The following ATRNL1 variants were observed in gnomAD, a reference collection of about 807,000 sequenced individuals.
ATRNL1 encodes the protein attractin like 1, also known as attractin-like protein 1.
In ATRNL1, 95 loss-of-function variants were observed where a neutral mutation model predicts 182.7. The ratio of observed to expected loss-of-function variants is 0.52; its 90% CI spans 0.44 to 0.62. ATRNL1 has a LOEUF of 0.62. ATRNL1 is among the 20% of genes least tolerant of loss of function. The probability of loss-of-function intolerance (pLI) is 0.00; values close to 1 mark genes in which losing one functional copy is unlikely to be tolerated. For missense variants in ATRNL1, 1,471 were observed against 1,679.5 expected, an observed-to-expected ratio of 0.88 and a Z score of 2.17; for synonymous variants, 576 against 568.3, an observed-to-expected ratio of 1.01 and a Z score of -0.19.
Position 115,583,329 on chromosome 10 carries a change from A to G in ATRNL1, c.3795+33793A>G, listed in dbSNP as rs1221176929. The stretch of plus-strand genomic sequence containing the variant: ...GGGATGGCATTGAATCTATCTGTAA[A>G]TTACCTTGGGCAGTATGGCCATTTT... On this transcript the variant is annotated intron_variant, in intron 26 of 28. Transcript: ENST00000355044. Among the ~76,000 whole-genome samples, 2 of 109,402 alleles carry G rather than the reference A, an allele frequency of 1.8e-5. 1 individual carries two copies. The highest frequency in any genetic ancestry group is 4.0e-5 in the Non-Finnish European group (2 of 49,460). 71.8% of individuals were successfully genotyped at this position (109,402 alleles called of 152,430 possible). A position where few individuals can be genotyped will look rare whatever the true frequency, so the allele number is the denominator to read the frequency against.
chr10:115,339,948 A>G (rs1240540490), intron 19 of ATRNL1, among the ~76,000 whole-genome samples: 1 of 152,170 alleles, frequency 6.6e-6, no homozygotes, highest in Admixed American at 6.5e-5. Context: ...TTCACTGTCA[A>G]TTGAAATGAT....
At chr10:115,270,299 A>G (rs1053115073) in intron 13 of ATRNL1, among the ~76,000 whole-genome samples, 3 of 144,972 alleles carry the variant, frequency 2.1e-5, no homozygotes, top group Non-Finnish European at 4.5e-5. Context: ...TTGTTTATAT[A>G]TTTGTTTATA....
At chr10:115,864,298 GAA>G (rs1951384615) in intron 28 of ATRNL1, among the ~76,000 whole-genome samples, 1 of 151,632 alleles carries the variant, frequency 6.6e-6, no homozygotes, top group Admixed American at 6.6e-5. Flanking sequence ...AAGTGGGAGA[GAA>G]GAGAGCAGTG....
At chr10:115,925,239 TTCTTTC>T (rs1251485911) in intron 28 of ATRNL1, among the ~76,000 whole-genome samples, 1 of 152,146 alleles carries the variant, frequency 6.6e-6, no homozygotes, top group African/African-American at 2.4e-5. Context: ...TACCCTTTAT[TTCTTTC>T]TCTTGCCTGA....
intron 26 of ATRNL1, among the ~76,000 whole-genome samples, chr10:115,633,545 C>A (rs1433617261): frequency 3.3e-5 from 5 of 152,034 alleles, no homozygotes; most frequent in African/African-American, 9.7e-5. Context: ...GGTTCTGATT[C>A]AAAAATAAGT....
intron 27 of ATRNL1, among the ~76,000 whole-genome samples, chr10:115,794,024 A>T (rs1949591556): frequency 6.6e-6 from 1 of 152,188 alleles, no homozygotes; most frequent in Non-Finnish European, 1.5e-5. Context: ...GATATTGATC[A>T]TAAAGTTATT....
At chr10:115,826,787 GA>G (rs1422396339) in intron 27 of ATRNL1, among the ~76,000 whole-genome samples, 5 of 152,052 alleles carry the variant, frequency 3.3e-5, no homozygotes, top group African/African-American at 1.2e-4. Flanking sequence ...GGTAATCTTA[GA>G]AAAGGCAACA....
At chr10:115,833,450 G>C (rs1284226052) in intron 27 of ATRNL1, among the ~76,000 whole-genome samples, 1 of 152,056 alleles carries the variant, frequency 6.6e-6, no homozygotes, top group Admixed American at 6.6e-5. Flanking sequence ...ATAAGCTCCT[G>C]GGCTATTCTA....
chr10:115,269,526 G>T (rs1305247207), intron 13 of ATRNL1, among the ~76,000 whole-genome samples: 2 of 151,908 alleles, frequency 1.3e-5, no homozygotes, highest in East Asian at 3.9e-4. Flanking sequence ...TAGAGACAGG[G>T]TTTCACCATG....
At chr10:115,519,174 A>C in intron 24 of ATRNL1, 89 bp from the exon 25 acceptor site, 1 of 1,107,214 alleles carries the variant, frequency 9.0e-7, no homozygotes, top group Non-Finnish European at 1.3e-6. Context: ...TTGGTGATTT[A>C]GAAAAACTGT....
intron 28 of ATRNL1, among the ~76,000 whole-genome samples, chr10:115,891,765 A>G (rs1952084849): frequency 6.6e-6 from 1 of 152,114 alleles, no homozygotes; most frequent in African/African-American, 2.4e-5. Context: ...TACCGGTTAG[A>G]TTATCTGGCT....
chr10:115,443,314 C>T (rs781855595), intron 21 of ATRNL1, among the ~76,000 whole-genome samples: 2 of 151,938 alleles, frequency 1.3e-5, no homozygotes, highest in African/African-American at 2.4e-5. Context: ...TTTTGATTAG[C>T]ATTTGCCTGA....
rs116398747 is a variant in ATRNL1, at chr10:115,852,908, C to T, written c.4018+4917C>T. On this transcript the variant is annotated intron_variant, in intron 28 of 28. Transcript: ENST00000355044. ...TCGGTGTATGTAATAGGAAGAAGCC[C>T]GTGAACTCATAGGAAAAGAAATTAA... Among the ~76,000 whole-genome samples, 951 of 152,204 alleles carry T rather than the reference C, an allele frequency of 6.2e-3. 8 individuals carry two copies. Among genetic ancestry groups the T allele is most frequent in the African/African-American group, 0.021 (889 of 41,520 alleles).
intron 6 of ATRNL1, among the ~76,000 whole-genome samples, chr10:115,161,765 A>T (rs1846796203): frequency 6.6e-6 from 1 of 152,066 alleles, no homozygotes; most frequent in South Asian, 2.1e-4. Context: ...AGAGTAGAAT[A>T]ATTGTGTTGC....
At chr10:115,200,858 T>TGGG in intron 8 of ATRNL1, among the ~76,000 whole-genome samples, 1 of 148,948 alleles carries the variant, frequency 6.7e-6, no homozygotes, top group Non-Finnish European at 1.5e-5. Context: ...TGTAAAAGTG[T>TGGG]TCCTATTTCT....
chr10:115,367,669 G>A (rs1372599476), intron 19 of ATRNL1, among the ~76,000 whole-genome samples: 4 of 129,150 alleles, frequency 3.1e-5, no homozygotes, highest in African/African-American at 1.0e-4. Context: ...TTTGGTCGTC[G>A]ATGATGGTGA....
chr10:115,666,370 G>A (rs1225341473), intron 26 of ATRNL1, among the ~76,000 whole-genome samples: 2 of 152,098 alleles, frequency 1.3e-5, no homozygotes, highest in African/African-American at 4.8e-5. Flanking sequence ...CTTTTACTCT[G>A]TGTTTGGATT....
At chr10:115,780,048 G>A (rs1174876459) in intron 27 of ATRNL1, among the ~76,000 whole-genome samples, 1 of 152,172 alleles carries the variant, frequency 6.6e-6, no homozygotes, top group Non-Finnish European at 1.5e-5. Flanking sequence ...TGCTGAAAGA[G>A]GCACTGAAGA....
At chr10:115,271,165 TACACACACACACACACAC>T (rs59638255) in intron 13 of ATRNL1, among the ~76,000 whole-genome samples, 1 of 145,918 alleles carries the variant, frequency 6.9e-6, no homozygotes, top group African/African-American at 2.6e-5. Flanking sequence ...ACAAAGATAT[TACACACACACACACACAC>T]ACACACACAC....
Sources: allele counts gnomAD v4.1 joint callset (sites outside exome capture counted in the v4.1 genomes callset), GRCh38; gene constraint gnomAD v4.1.1; transcripts MANE v1.5; gene names NCBI Gene and HGNC (gene_info 2026-07-23, HGNC 2026-07-21).